DGKB: variants seen among roughly 807,000 people sequenced by gnomAD.
The protein encoded by DGKB is 90 kDa diacylglycerol kinase.
DGKB carries 67 observed loss-of-function variants against 114.3 expected under a neutral mutation model. The ratio of observed to expected loss-of-function variants is 0.59; its 90% CI spans 0.48 to 0.72. The LOEUF (loss-of-function observed/expected upper bound fraction) is 0.72, where lower values mean the gene tolerates loss of function less well. Ranked by LOEUF, DGKB falls within the 30% of genes least tolerant of loss-of-function variation. DGKB has a pLI of 0.00. For synonymous variants in DGKB, 398 were observed against 323.1 expected, an observed-to-expected ratio of 1.23 and a Z score of -2.49; for missense variants, 907 against 975.2, an observed-to-expected ratio of 0.93 and a Z score of 0.93.
chr7:14,823,741 T>C (rs190316368), intron 2 of DGKB, among the ~76,000 whole-genome samples: 2 of 152,298 alleles, frequency 1.3e-5, no homozygotes, highest in East Asian at 1.9e-4. Flanking sequence ...ATTACATTTT[T>C]CCCTGCTTCT....
intron 21 of DGKB, among the ~76,000 whole-genome samples, chr7:14,474,372 T>C (rs1169249864): frequency 1.3e-5 from 2 of 152,220 alleles, no homozygotes; most frequent in African/African-American, 4.8e-5. Flanking sequence ...CTCAGCCATG[T>C]GGAACTGTAA....
At chr7:14,334,855 C>A (rs1810393552) in intron 23 of DGKB, among the ~76,000 whole-genome samples, 1 of 152,256 alleles carries the variant, frequency 6.6e-6, no homozygotes, top group South Asian at 2.1e-4. Context: ...GCTAGGAGAA[C>A]TGAAGACTAA....
intron 1 of DGKB, among the ~76,000 whole-genome samples, chr7:14,843,119 A>C (rs1236801858): frequency 6.6e-6 from 1 of 151,390 alleles, no homozygotes; most frequent in Non-Finnish European, 1.5e-5. Context: ...GGGGGAGCTG[A>C]GGTGGGAGAA....
intron 20 of DGKB, among the ~76,000 whole-genome samples, chr7:14,532,500 A>G (rs1428102287): frequency 6.6e-6 from 1 of 151,522 alleles, no homozygotes; most frequent in Non-Finnish European, 1.5e-5. Context: ...TTATTAATAT[A>G]TGAGAAAATA....
At chr7:14,882,630 C>T (rs1854414124) in intron 1 of DGKB, among the ~76,000 whole-genome samples, 1 of 151,898 alleles carries the variant, frequency 6.6e-6, no homozygotes, top group African/African-American at 2.4e-5. Flanking sequence ...GTCTATCATT[C>T]CACTGTTTAT....
At chr7:14,390,738 A>G (rs1821184712) in intron 21 of DGKB, among the ~76,000 whole-genome samples, 1 of 152,170 alleles carries the variant, frequency 6.6e-6, no homozygotes, top group Admixed American at 6.5e-5. Flanking sequence ...CTTGGCATGT[A>G]TTTCATTTAG....
intron 6 of DGKB, among the ~76,000 whole-genome samples, chr7:14,712,371 G>A (rs776067890): frequency 1.2e-4 from 18 of 152,096 alleles, no homozygotes; most frequent in Non-Finnish European, 1.2e-4. Context: ...AATGAAGAAC[G>A]CAAGTTTATG....
chr7:14,285,924 T>A (rs893908741), intron 23 of DGKB, among the ~76,000 whole-genome samples: 1 of 152,086 alleles, frequency 6.6e-6, no homozygotes, highest in African/African-American at 2.4e-5. Context: ...AAGAAAACCC[T>A]GTGTTTGGAT....
chr7:14,244,357 A>G lies in DGKB; in HGVS notation c.2123-66206T>C, dbSNP rs181593768. Among the ~76,000 whole-genome samples the G allele has an allele frequency of 5.1e-4, 78 of 152,142 alleles. 1 individual carries two copies. The East Asian group carries it at 0.013, about 25-fold the overall frequency. ...TCTGTTAAACCTGATCCTCAACGTGATATTAGAAGAGGGTGCTGGCCGGGC... is the reference window on the plus strand; with the variant it reads ...TCTGTTAAACCTGATCCTCAACGTGGTATTAGAAGAGGGTGCTGGCCGGGC... On this transcript the variant is annotated intron_variant, in intron 23 of 25. Coordinates refer to ENST00000402815, the MANE Select transcript of DGKB (RefSeq NM_001350709.2).
chr7:14,844,264 C>T (rs1848338315), intron 1 of DGKB, among the ~76,000 whole-genome samples: 1 of 152,168 alleles, frequency 6.6e-6, no homozygotes, highest in Admixed American at 6.5e-5. Flanking sequence ...GACATGTTGG[C>T]TGCAAACCCA....
chr7:14,844,890 T>C (rs1397441479), intron 1 of DGKB, among the ~76,000 whole-genome samples: 1 of 152,168 alleles, frequency 6.6e-6, no homozygotes, highest in Middle Eastern at 3.4e-3. Flanking sequence ...GTGGATCACT[T>C]GAGCTCAGGA....
chr7:14,631,396 G>A (rs1563732809), intron 13 of DGKB, among the ~76,000 whole-genome samples: 1 of 151,798 alleles, frequency 6.6e-6, no homozygotes, highest in Non-Finnish European at 1.5e-5. Flanking sequence ...AGGAGAAGAA[G>A]AGGTCTAGCA....
chr7:14,800,767 A>T (rs1252640918), intron 2 of DGKB, among the ~76,000 whole-genome samples: 1 of 152,178 alleles, frequency 6.6e-6, no homozygotes, highest in Non-Finnish European at 1.5e-5. Context: ...CTTTGAATCA[A>T]CAGGCAAAGA....
intron 21 of DGKB, among the ~76,000 whole-genome samples, chr7:14,353,595 G>A (rs1813898600): frequency 6.6e-6 from 1 of 152,106 alleles, no homozygotes; most frequent in South Asian, 2.1e-4. Context: ...ACTCGTGAGA[G>A]ATACATAAAT....
chr7:14,186,308 C>A (rs113746598), intron 23 of DGKB, among the ~76,000 whole-genome samples: 3,258 of 152,184 alleles, frequency 0.021, 95 homozygotes, highest in African/African-American at 0.067. Flanking sequence ...CAAAACTACA[C>A]TGCTATACCA....
chr7:14,607,769 T>C (rs1257972866), intron 16 of DGKB, among the ~76,000 whole-genome samples: 2 of 152,012 alleles, frequency 1.3e-5, no homozygotes, highest in East Asian at 3.9e-4. Context: ...ATCCTTAATA[T>C]GCACATACAT....
At chr7:14,472,125 C>T (rs534645665) in intron 21 of DGKB, among the ~76,000 whole-genome samples, 2 of 152,298 alleles carry the variant, frequency 1.3e-5, no homozygotes, top group Non-Finnish European at 1.5e-5. Flanking sequence ...AATTGAATCA[C>T]TGAAATCATG....
chr7:14,579,882 C>G (rs184589643), intron 19 of DGKB, among the ~76,000 whole-genome samples: 3 of 152,140 alleles, frequency 2.0e-5, no homozygotes, highest in East Asian at 3.9e-4. Flanking sequence ...TAACAAGTGC[C>G]CCAGGGACTC....
At chr7:14,597,174 T>C (rs776041020) in intron 17 of DGKB, among the ~76,000 whole-genome samples, 27 of 151,990 alleles carry the variant, frequency 1.8e-4, no homozygotes, top group Admixed American at 7.2e-4. Flanking sequence ...TGCCACTGCA[T>C]TCCAGCCTGG....
Sources: gnomAD v4.1 joint callset for allele counts (sites outside exome capture counted in the v4.1 genomes callset) on GRCh38, gnomAD v4.1.1 for gene constraint, MANE v1.5 for transcripts, NCBI Gene and HGNC (gene_info 2026-07-23, HGNC 2026-07-21) for gene names.